HHAT: variants seen among roughly 807,000 people sequenced by gnomAD.
The protein encoded by HHAT is hedgehog acyltransferase.
In HHAT, 47 loss-of-function variants were observed where a neutral mutation model predicts 70.8. The ratio of observed to expected loss-of-function variants is 0.66; its 90% confidence interval spans 0.53 to 0.85. HHAT has a LOEUF of 0.85. HHAT is among the 40% of genes least tolerant of loss of function. HHAT has a pLI of 0.00. For missense variants in HHAT, 609 were observed against 604.8 expected (o/e 1.01, Z -0.07); for synonymous variants, 228 against 247.6 (o/e 0.92, Z 0.74).
chr1:210,651,243 C>T (rs999592940), intron 11 of HHAT, among the ~76,000 whole-genome samples: 1 of 152,220 alleles, frequency 6.6e-6, no homozygotes, highest in Non-Finnish European at 1.5e-5. Context: ...CAGTGATCAG[C>T]CTCTGGTCTA....
chr1:210,552,589 C>A (rs925012145), intron 9 of HHAT, among the ~76,000 whole-genome samples: 1 of 152,182 alleles, frequency 6.6e-6, no homozygotes, highest in South Asian at 2.1e-4. Context: ...CCCCATGTTG[C>A]TCTTGAATTG....
chr1:210,502,383 C>CCAAA (rs1482234428), intron 8 of HHAT, among the ~76,000 whole-genome samples: 11 of 87,020 alleles, frequency 1.3e-4, no homozygotes, highest in African/African-American at 4.7e-4. Flanking sequence ...GACTCAGTCT[C>CCAAA]AAAAAAAAAA....
intron 3 of HHAT, among the ~76,000 whole-genome samples, chr1:210,370,903 C>T (rs997632126): frequency 6.6e-6 from 1 of 152,088 alleles, no homozygotes; most frequent in Non-Finnish European, 1.5e-5. Flanking sequence ...CATGAACCAC[C>T]ACACCTGGCT....
intron 10 of HHAT, among the ~76,000 whole-genome samples, chr1:210,603,670 CTA>C (rs1299027828): frequency 2.0e-5 from 3 of 152,128 alleles, no homozygotes; most frequent in African/African-American, 7.2e-5. Flanking sequence ...TATGCTGTGA[CTA>C]TATGTGTGCA....
chr1:210,606,643 T>C (rs574535207), intron 10 of HHAT, among the ~76,000 whole-genome samples: 1 of 152,330 alleles, frequency 6.6e-6, no homozygotes, highest in East Asian at 1.9e-4. Flanking sequence ...CCTGTTTCTT[T>C]GTGCTGGGTC....
chr1:210,426,587 C>A (rs1466696039), intron 7 of HHAT, among the ~76,000 whole-genome samples: 1 of 152,130 alleles, frequency 6.6e-6, no homozygotes, highest in East Asian at 1.9e-4. Flanking sequence ...TTTTCTGCAT[C>A]TATTGAGATA....
intron 7 of HHAT, among the ~76,000 whole-genome samples, chr1:210,423,720 G>T (rs370663609): frequency 6.6e-6 from 1 of 152,118 alleles, no homozygotes; most frequent in East Asian, 1.9e-4. Context: ...CATTTTGAGG[G>T]TGAGAGGTGG....
chr1:210,576,993 G>A (rs975790870), intron 9 of HHAT, among the ~76,000 whole-genome samples: 4 of 149,334 alleles, frequency 2.7e-5, no homozygotes, highest in African/African-American at 7.3e-5. Flanking sequence ...TTTCTTTTTG[G>A]ATCATTTATT....
chr1:210,617,008 T>A (rs1558284088), intron 10 of HHAT, among the ~76,000 whole-genome samples: 2 of 152,222 alleles, frequency 1.3e-5, no homozygotes, highest in African/African-American at 2.4e-5. Flanking sequence ...CAAATGCCAA[T>A]TGTGAATTAG....
intron 7 of HHAT, among the ~76,000 whole-genome samples, chr1:210,439,411 T>C (rs2093453058): frequency 6.6e-6 from 1 of 151,750 alleles, no homozygotes; most frequent in South Asian, 2.1e-4. Context: ...GGTGTCTGGG[T>C]TTCCAAACTC....
intron 7 of HHAT, among the ~76,000 whole-genome samples, chr1:210,448,477 GC>G (rs1260374595): frequency 6.6e-6 from 1 of 152,138 alleles, no homozygotes; most frequent in African/African-American, 2.4e-5. Context: ...ACTAGAAGGG[GC>G]CAGGAGGTGG....
intron 9 of HHAT, among the ~76,000 whole-genome samples, chr1:210,574,325 G>T (rs1175242357): frequency 6.6e-6 from 1 of 152,212 alleles, no homozygotes; most frequent in Non-Finnish European, 1.5e-5. Flanking sequence ...CAAGGCCCAG[G>T]TTTGGGCAGG....
At chr1:210,601,121 G>T (rs1192174755) in intron 10 of HHAT, among the ~76,000 whole-genome samples, 1 of 151,950 alleles carries the variant, frequency 6.6e-6, no homozygotes, top group Non-Finnish European at 1.5e-5. Context: ...AAGACTCTGT[G>T]GTGGTGGTAA....
chr1:210,602,713 G>A (rs754232041), intron 10 of HHAT, among the ~76,000 whole-genome samples: 2 of 150,830 alleles, frequency 1.3e-5, no homozygotes, highest in East Asian at 1.9e-4. Flanking sequence ...GTGCTCACCC[G>A]GGCCTCTGGG....
chr1:210,539,891 T>G (rs2095411201), intron 9 of HHAT, among the ~76,000 whole-genome samples: 1 of 152,226 alleles, frequency 6.6e-6, no homozygotes, highest in African/African-American at 2.4e-5. Flanking sequence ...AGAAAAGTTC[T>G]TCCTACAAGG....
chr1:210,426,270 C>T (rs185043398), intron 7 of HHAT, among the ~76,000 whole-genome samples: 5 of 152,068 alleles, frequency 3.3e-5, no homozygotes, highest in African/African-American at 9.6e-5. Context: ...TTCTCAACAT[C>T]GATAATGTTA....
chr1:210,446,310 C>A (rs2093633432), intron 7 of HHAT, among the ~76,000 whole-genome samples: 1 of 152,164 alleles, frequency 6.6e-6, no homozygotes, highest in Non-Finnish European at 1.5e-5. Context: ...AACTTTTCTT[C>A]TTGAAAGATT....
chr1:210,576,420 C>T (rs1054367407), intron 9 of HHAT, among the ~76,000 whole-genome samples: 4 of 151,184 alleles, frequency 2.6e-5, no homozygotes, highest in Non-Finnish European at 5.9e-5. Context: ...TTTCCCTGTA[C>T]CCCTTTGGGG....
intron 9 of HHAT, among the ~76,000 whole-genome samples, chr1:210,579,650 G>A (rs76662876): frequency 0.023 from 3,577 of 152,304 alleles, 86 homozygotes; most frequent in Middle Eastern, 0.11. Flanking sequence ...TACTTGACAA[G>A]TTCGAGGTTA....
Sources: gnomAD v4.1 joint callset for allele counts (sites outside exome capture counted in the v4.1 genomes callset) on GRCh38, gnomAD v4.1.1 for gene constraint, MANE v1.5 for transcripts, NCBI Gene and HGNC (gene_info 2026-07-23, HGNC 2026-07-21) for gene names.